The following KCTD1 variants were observed in gnomAD, a reference collection of about 807,000 sequenced individuals.
The protein encoded by KCTD1 is BTB/POZ domain-containing protein KCTD1.
KCTD1 carries 24 observed loss-of-function variants against 66.0 expected under a neutral mutation model. That is an observed-to-expected ratio of 0.36 (90% confidence interval 0.26 to 0.51). The LOEUF (loss-of-function observed/expected upper bound fraction) is 0.51, where lower values mean the gene tolerates loss of function less well. Among genes scored for constraint, KCTD1 ranks in the 20% least tolerant of loss-of-function variants. The pLI is 0.95. For missense variants in KCTD1, 943 were observed against 1,205.2 expected, an observed-to-expected ratio of 0.78 and a Z score of 3.22; for synonymous variants, 511 against 517.2, an observed-to-expected ratio of 0.99 and a Z score of 0.16.
intron 1 of KCTD1, among the ~76,000 whole-genome samples, chr18:26,522,902 GC>G (rs1284635065): frequency 6.6e-6 from 1 of 152,136 alleles, no homozygotes; most frequent in Non-Finnish European, 1.5e-5. Flanking sequence ...CTAGTAACTA[GC>G]TGAGACCTAA....
At chr18:26,540,885 C>T (rs1444337435) in intron 1 of KCTD1, among the ~76,000 whole-genome samples, 1 of 152,156 alleles carries the variant, frequency 6.6e-6, no homozygotes, top group Non-Finnish European at 1.5e-5. Flanking sequence ...GTTGGTGTCC[C>T]TAAGCCCTGA....
At chr18:26,550,192 C>T (rs1985499018), upstream of KCTD1, among the ~76,000 whole-genome samples, 1 of 152,150 alleles carries the variant, frequency 6.6e-6, no homozygotes, top group Non-Finnish European at 1.5e-5. This position sits in a 1 kb window ranked among gnomAD's most constrained non-coding sequence, Gnocchi z 5.4. Flanking sequence ...GGTGCGTCCT[C>T]GAATTTACCT....
chr18:26,595,466 G>A (rs1436720755), intron 1 of KCTD1, among the ~76,000 whole-genome samples: 2 of 152,166 alleles, frequency 1.3e-5, no homozygotes, highest in Non-Finnish European at 2.9e-5. Flanking sequence ...CTATATTCTG[G>A]TCAATGGATG....
intron 3 of KCTD1, among the ~76,000 whole-genome samples, chr18:26,473,187 G>C (rs946280699): frequency 2.0e-5 from 3 of 152,148 alleles, no homozygotes; most frequent in African/African-American, 7.2e-5. Flanking sequence ...AAAGCCTCTA[G>C]GAAGAGGCAT....
chr18:26,500,413 C>T (rs1312038991), intron 2 of KCTD1, among the ~76,000 whole-genome samples: 1 of 152,028 alleles, frequency 6.6e-6, no homozygotes, highest in African/African-American at 2.4e-5. Flanking sequence ...GAACAAGACC[C>T]TGGCTCCAAA....
chr18:26,577,587 TC>T (rs1435351701), intron 1 of KCTD1, among the ~76,000 whole-genome samples: 1 of 152,016 alleles, frequency 6.6e-6, no homozygotes, highest in African/African-American at 2.4e-5. Flanking sequence ...TGCTCTGTCA[TC>T]CAGGCTGAAA....
upstream of KCTD1, among the ~76,000 whole-genome samples, chr18:26,644,014 T>C (rs1987886702): frequency 6.6e-6 from 1 of 152,062 alleles, no homozygotes; most frequent in African/African-American, 2.4e-5. Context: ...CACCCAGAGA[T>C]CAGCTTACAC....
chr18:26,606,744 C>T (rs981237348), intron 1 of KCTD1, among the ~76,000 whole-genome samples: 1 of 152,228 alleles, frequency 6.6e-6, no homozygotes, highest in Non-Finnish European at 1.5e-5. Context: ...CATTCAAGAT[C>T]AGCCAAGTCA....
chr18:26,509,922 C>T (rs1420874634), intron 1 of KCTD1, among the ~76,000 whole-genome samples: 1 of 152,216 alleles, frequency 6.6e-6, no homozygotes, highest in East Asian at 1.9e-4. Context: ...GAATAAATCG[C>T]CCTACCTGAC....
chr18:26,647,519 C>CAAAAAAAAAAAAAAAAAAAAAAAAAAA (rs57856118), intron 1 of KCTD1, among the ~76,000 whole-genome samples: 4 of 57,306 alleles, frequency 7.0e-5, no homozygotes, highest in Non-Finnish European at 9.7e-5. Context: ...GACTCCATCT[C>CAAAAAAAAAAAAAAAAAAAAAAAAAAA]AAAAAAAAAA....
chr18:26,552,024 A>T (rs1985583192), upstream of KCTD1, among the ~76,000 whole-genome samples: 1 of 152,150 alleles, frequency 6.6e-6, no homozygotes, highest in African/African-American at 2.4e-5. Context: ...TATTGCAATT[A>T]TTTAACTGTC....
intron 1 of KCTD1, chr18:26,600,007 G>C: frequency 6.2e-7 from 1 of 1,611,470 alleles, no homozygotes; most frequent in Non-Finnish European, 8.5e-7. Flanking sequence ...GACCCTCTCA[G>C]CCAACGATAT....
intron 1 of KCTD1, chr18:26,600,077 A>G (rs997569584): frequency 4.3e-6 from 7 of 1,610,980 alleles, no homozygotes; most frequent in Admixed American, 1.7e-5. Context: ...GAAGATTTGA[A>G]GAAGCCAGAT....
At chr18:26,599,382 G>A in intron 1 of KCTD1, 1 of 1,601,378 alleles carries the variant, frequency 6.2e-7, no homozygotes, top group Non-Finnish European at 8.5e-7. Context: ...CAGTTTTTAG[G>A]TCTGTCAGTA....
intron 1 of KCTD1, among the ~76,000 whole-genome samples, chr18:26,606,357 T>A (rs568342668): frequency 6.6e-6 from 1 of 152,328 alleles, no homozygotes; most frequent in Non-Finnish European, 1.5e-5. Flanking sequence ...AACTTTGGAA[T>A]GCCCTTGGCC....
At chr18:26,541,887 T>C (rs140648019) in intron 1 of KCTD1, among the ~76,000 whole-genome samples, 16 of 152,306 alleles carry the variant, frequency 1.1e-4, no homozygotes, top group Middle Eastern at 3.4e-3. Flanking sequence ...CCATCTTCTC[T>C]TGAAAGAGAA....
chr18:26,493,180 A>G (rs1174235967), intron 2 of KCTD1, among the ~76,000 whole-genome samples: 2 of 152,154 alleles, frequency 1.3e-5, no homozygotes, highest in Admixed American at 6.5e-5. Flanking sequence ...TATGACCCGG[A>G]GTCCTGCCCT....
chr18:26,502,337 C>A (rs375328870), intron 1 of KCTD1, among the ~76,000 whole-genome samples: 137 of 152,334 alleles, frequency 9.0e-4, no homozygotes, highest in African/African-American at 3.1e-3. Flanking sequence ...GGGTGAGCCA[C>A]CGTGCCCAGC....
chr18:26,579,566 T>C (rs1196942039), intron 1 of KCTD1, among the ~76,000 whole-genome samples: 1 of 152,264 alleles, frequency 6.6e-6, no homozygotes, highest in Admixed American at 6.5e-5. Context: ...ATAATTTAGC[T>C]GTGTTCTCTT....
Sources: gnomAD v4.1 joint callset for allele counts (sites outside exome capture counted in the v4.1 genomes callset) on GRCh38, gnomAD v4.1.1 for gene constraint, Gnocchi (gnomAD v3.1) non-coding constraint, MANE v1.5 for transcripts, NCBI Gene and HGNC (gene_info 2026-07-23, HGNC 2026-07-21) for gene names.